The following PTPRD variants were observed in gnomAD, a reference collection of about 807,000 sequenced individuals.
The protein encoded by PTPRD is receptor-type tyrosine-protein phosphatase delta.
A neutral mutation model predicts 214.5 loss-of-function variants in PTPRD; 34 were observed. That is an observed-to-expected ratio of 0.16 (90% CI 0.12 to 0.21). PTPRD has a LOEUF of 0.21. Ranked by LOEUF, PTPRD falls within the 10% of genes least tolerant of loss-of-function variation. The pLI, the probability that PTPRD is intolerant of heterozygous loss-of-function variation, is 1.00. For missense variants in PTPRD, 2,545 were observed against 2,398.7 expected (o/e 1.06, Z -1.27); for synonymous variants, 1,128 against 845.7 (o/e 1.33, Z -5.79).
intron 10 of PTPRD, among the ~76,000 whole-genome samples, chr9:9,072,104 T>G (rs192973): frequency 2.0e-5 from 3 of 151,628 alleles, no homozygotes; most frequent in Admixed American, 2.0e-4. Context: ...AAAAATGTTT[T>G]GGCCACAGAC....
Position 9,589,322 on chromosome 9 carries a change from AT to A in PTPRD, c.-286-14542del, listed in dbSNP as rs928962027. ...AATTTAGATGTTCTTGGTTGCAGCT[AT>A]TTTTTTTTTCATTTATTTAATAAAA... On this transcript the variant is annotated intron_variant, in intron 7 of 45. Transcript: ENST00000381196. 6.6e-3 allele frequency among the ~76,000 whole-genome samples: 992 copies of A among 149,534 alleles called. 11 individuals carry two copies. Among genetic ancestry groups the A allele is most frequent in the African/African-American group, 0.022 (891 of 40,910 alleles).
chr9:8,713,501 G>A, intron 12 of PTPRD: 2 of 1,153,200 alleles, frequency 1.7e-6, no homozygotes, highest in Admixed American at 1.7e-5. Flanking sequence ...ACTGTCTACT[G>A]TGGTCAGGTG....
At chr9:9,177,750 G>A (rs574501134) in intron 10 of PTPRD, among the ~76,000 whole-genome samples, 122 of 152,162 alleles carry the variant, frequency 8.0e-4, no homozygotes, top group African/African-American at 2.8e-3. Flanking sequence ...ATCAGCTTAA[G>A]AGGCCGCTAT....
intron 11 of PTPRD, among the ~76,000 whole-genome samples, chr9:8,930,679 T>C (rs11534139): frequency 0.5 from 75,967 of 152,008 alleles, 19,706 homozygotes; most frequent in East Asian, 0.82. Context: ...TGGTATCTCA[T>C]TGCAGCTTGA....
intron 8 of PTPRD, among the ~76,000 whole-genome samples, chr9:9,536,726 A>G (rs958565346): frequency 6.6e-6 from 1 of 152,042 alleles, no homozygotes; most frequent in African/African-American, 2.4e-5. Context: ...ACAAAGCACT[A>G]TCGCTTTTCA....
Position 8,457,331 on chromosome 9 carries a change from G to A in PTPRD, c.3875+3080C>T, listed in dbSNP as rs551405781. ...CTGGAATGTGTATTTTAAGTCATGG[G>A]CCATATAATATTTTTTCAAAATTAT... On this transcript the variant is annotated intron_variant, in intron 33 of 45. Coordinates refer to ENST00000381196, the MANE Select transcript of PTPRD (RefSeq NM_002839.4). 1.2e-3 allele frequency among the ~76,000 whole-genome samples: 189 copies of A among 152,034 alleles called. 1 individual carries two copies. The highest frequency in any genetic ancestry group is 3.9e-3 in the African/African-American group (160 of 41,468).
At chr9:9,936,658 T>G (rs1162823874) in intron 5 of PTPRD, among the ~76,000 whole-genome samples, 1 of 132,158 alleles carries the variant, frequency 7.6e-6, no homozygotes, top group East Asian at 2.6e-4. Context: ...ATTGTGGAAG[T>G]CAGTGTGGCG....
intron 4 of PTPRD, among the ~76,000 whole-genome samples, chr9:10,028,030 CA>C (rs2096964022): frequency 6.6e-6 from 1 of 152,164 alleles, no homozygotes; most frequent in South Asian, 2.1e-4. Context: ...ATGCAAATCT[CA>C]TGTTGAATTC....
At chr9:8,554,118 G>T (rs2082979325) in intron 14 of PTPRD, among the ~76,000 whole-genome samples, 6 of 152,172 alleles carry the variant, frequency 3.9e-5, no homozygotes, top group African/African-American at 1.4e-4. Context: ...AACCCAGGAG[G>T]CGAAGGTTGC....
In PTPRD at chr9:9,884,188, C is replaced by T. The variant is rs1600845295; in HGVS notation, c.-368+54319G>A. On this transcript the variant is annotated intron_variant, in intron 5 of 45. Transcript: ENST00000381196. ...CTAAGCCTCCCCATCATCCTTCAAA[C>T]ATTGACTATGGACTGTGTTCAGGGC... 3.3e-5 allele frequency among the ~76,000 whole-genome samples: 5 copies of T among 152,188 alleles called. No individual in the cohort carries two copies. In the South Asian group the frequency reaches 6.2e-4, roughly 19 times the overall value.
At chr9:9,171,291 G>C (rs1483661426) in intron 10 of PTPRD, among the ~76,000 whole-genome samples, 1 of 151,568 alleles carries the variant, frequency 6.6e-6, no homozygotes, top group Non-Finnish European at 1.5e-5. Flanking sequence ...CCTGTAAAAT[G>C]TGAAGGGAAA....
At chr9:10,077,878 A>T (rs1376146153) in intron 3 of PTPRD, among the ~76,000 whole-genome samples, 1 of 151,694 alleles carries the variant, frequency 6.6e-6, no homozygotes, top group Non-Finnish European at 1.5e-5. Flanking sequence ...ATTTTTAAAT[A>T]GCCTTCTCTG....
chr9:10,355,966 G>C (rs919103135), intron 2 of PTPRD, among the ~76,000 whole-genome samples: 3 of 152,252 alleles, frequency 2.0e-5, no homozygotes, highest in Admixed American at 6.5e-5. Context: ...AGTACACTGA[G>C]ATGTACACTG....
chr9:8,883,550 T>C (rs1264318063), intron 11 of PTPRD, among the ~76,000 whole-genome samples: 2 of 152,200 alleles, frequency 1.3e-5, no homozygotes, highest in African/African-American at 4.8e-5. Context: ...TAACTATCCC[T>C]AAGGTCAGAC....
At chr9:9,610,217 T>A (rs976860300) in intron 7 of PTPRD, among the ~76,000 whole-genome samples, 21 of 152,182 alleles carry the variant, frequency 1.4e-4, no homozygotes, top group African/African-American at 4.8e-4. Flanking sequence ...AAAATGAGGA[T>A]AATTACCCAC....
chr9:10,258,425 G>C (rs994307437), intron 3 of PTPRD, among the ~76,000 whole-genome samples: 3 of 152,110 alleles, frequency 2.0e-5, no homozygotes, highest in Non-Finnish European at 4.4e-5. Context: ...GCTTATAAGA[G>C]GCTATCTTGC....
chr9:8,780,624 C>T (rs549825000), intron 11 of PTPRD, among the ~76,000 whole-genome samples: 2 of 152,298 alleles, frequency 1.3e-5, no homozygotes, highest in African/African-American at 4.8e-5. Context: ...CAGAGCCAGG[C>T]TCTCAGTGTG....
At chr9:9,480,019 G>T (rs2095334443) in intron 8 of PTPRD, among the ~76,000 whole-genome samples, 1 of 152,144 alleles carries the variant, frequency 6.6e-6, no homozygotes, top group South Asian at 2.1e-4. Context: ...AAGAATAATG[G>T]TAAAGTTTGA....
chr9:10,003,440 G>C lies in PTPRD; in HGVS notation c.-472+30278C>G, dbSNP rs1376182210. Among the ~76,000 whole-genome samples the C allele has an allele frequency of 3.3e-5, 5 of 151,728 alleles. No homozygotes were observed. In the East Asian group the frequency reaches 9.6e-4, roughly 29 times the overall value. On this transcript the variant is annotated intron_variant, in intron 4 of 45. Coordinates refer to ENST00000381196, the MANE Select transcript of PTPRD (RefSeq NM_002839.4). ...ATATTAAGAAAAATGGGTTGGAGATGAATTAAGATTGAATATATATGAATC... is the reference window on the plus strand; with the variant it reads ...ATATTAAGAAAAATGGGTTGGAGATCAATTAAGATTGAATATATATGAATC...
Sources: allele counts gnomAD v4.1 joint callset (sites outside exome capture counted in the v4.1 genomes callset), GRCh38; gene constraint gnomAD v4.1.1; transcripts MANE v1.5; gene names NCBI Gene and HGNC (gene_info 2026-07-23, HGNC 2026-07-21).